RGS17: variants seen among roughly 807,000 people sequenced by gnomAD.
RGS17 encodes the protein regulator of G-protein signaling 17.
In RGS17, 12 loss-of-function variants were observed where a neutral mutation model predicts 25.5. The observed-to-expected ratio is 0.47, with a 90% CI of 0.30 to 0.76. The LOEUF is 0.76. Among genes scored for constraint, RGS17 ranks in the 30% least tolerant of loss-of-function variants. The probability of loss-of-function intolerance (pLI) is 0.07; values close to 1 mark genes in which losing one functional copy is unlikely to be tolerated. For synonymous variants in RGS17, 71 were observed against 76.9 expected (o/e 0.92, Z 0.40); for missense variants, 196 against 242.2 (o/e 0.81, Z 1.27).
At chr6:153,081,100 T>C (rs1285000008) in intron 1 of RGS17, among the ~76,000 whole-genome samples, 1 of 152,170 alleles carries the variant, frequency 6.6e-6, no homozygotes, top group Non-Finnish European at 1.5e-5. Flanking sequence ...CAGTGTTTTA[T>C]AAATTTCAAT....
intron 4 of RGS17, among the ~76,000 whole-genome samples, chr6:153,013,117 G>A (rs141306288): frequency 2.0e-5 from 3 of 152,274 alleles, no homozygotes; most frequent in East Asian, 1.9e-4. Flanking sequence ...GGCTTGTGGC[G>A]ATCCTGTGTC....
rs886195095 is a variant in RGS17 at position 153,007,315 on chromosome 6, T to A, written c.*4259A>T. 5 of 152,134 alleles carry A rather than the reference T, an allele frequency of 3.3e-5. No individual in the cohort carries two copies. The highest frequency in any genetic ancestry group is 7.2e-5 in the African/African-American group (3 of 41,418). The allele number at this position is 152,134 out of a possible 1,614,324, so 9.4% of individuals were successfully genotyped here. A position where few individuals can be genotyped will look rare whatever the true frequency, so the allele number is the denominator to read the frequency against. ...GTTGTAGCAAGTGAAGAATTAAAAA[T>A]TTTTGCAGATTGGATATTGTTTTTG... is the stretch of plus-strand genomic sequence containing the variant. On this transcript the variant is annotated 3_prime_UTR_variant, in exon 5 of 5. Coordinates refer to ENST00000206262, the MANE Select transcript of RGS17 (RefSeq NM_012419.5).
At chr6:153,103,703 G>GTATCT (rs1228532766) in intron 1 of RGS17, among the ~76,000 whole-genome samples, 1 of 152,212 alleles carries the variant, frequency 6.6e-6, no homozygotes, top group Admixed American at 6.5e-5. Flanking sequence ...CTTTAAAAAT[G>GTATCT]TATCTTATCT....
intron 4 of RGS17, among the ~76,000 whole-genome samples, chr6:153,013,006 T>A (rs757762423): frequency 6.6e-6 from 1 of 152,096 alleles, no homozygotes; most frequent in Non-Finnish European, 1.5e-5. Flanking sequence ...CCAGACTACA[T>A]TTCTGTGGCT....
chr6:153,066,182 A>G (rs992035770), intron 1 of RGS17, among the ~76,000 whole-genome samples: 1 of 152,212 alleles, frequency 6.6e-6, no homozygotes, highest in Non-Finnish European at 1.5e-5. Context: ...AATCTAGAAG[A>G]AACGGACAAA....
At chr6:153,031,694 G>T (rs1779365334) in intron 2 of RGS17, among the ~76,000 whole-genome samples, 1 of 152,292 alleles carries the variant, frequency 6.6e-6, no homozygotes, top group East Asian at 1.9e-4. Flanking sequence ...GGTATTGCAA[G>T]TGTTTACACA....
chr6:153,098,725 C>T lies in RGS17; in HGVS notation c.-26+32399G>A, dbSNP rs559015575. ...GCAACTCTGTTTTAAAAGTCAAAGT[C>T]AAGTTAAAGTGTGGGGTTGTCTGCC... On this transcript the variant is annotated intron_variant, in intron 1 of 4. Transcript: ENST00000206262. Among the ~76,000 whole-genome samples, 31 of 152,180 alleles carry T rather than the reference C, an allele frequency of 2.0e-4. No individual in the cohort carries two copies. The South Asian group carries it at 2.3e-3, about 11-fold the overall frequency.
At chr6:153,054,185 A>G (rs1185087519) in intron 1 of RGS17, among the ~76,000 whole-genome samples, 1 of 144,206 alleles carries the variant, frequency 6.9e-6, no homozygotes, top group Non-Finnish European at 1.5e-5. Context: ...ATTTGCAGAA[A>G]GACTCAAAAA....
intron 1 of RGS17, among the ~76,000 whole-genome samples, chr6:153,067,290 T>C (rs180764150): frequency 1.3e-4 from 20 of 152,130 alleles, no homozygotes; most frequent in Non-Finnish European, 2.5e-4. Context: ...TAATTAAACA[T>C]AGTACTGGAA....
chr6:153,101,023 G>A (rs2129123385), intron 1 of RGS17, among the ~76,000 whole-genome samples: 1 of 152,286 alleles, frequency 6.6e-6, no homozygotes, highest in Admixed American at 6.5e-5. Context: ...GAGGCTACCA[G>A]ATTCACAAAT....
chr6:153,113,594 C>T (rs1219651936), intron 1 of RGS17, among the ~76,000 whole-genome samples: 2 of 152,180 alleles, frequency 1.3e-5, no homozygotes, highest in East Asian at 3.8e-4. Context: ...TAGACATCTA[C>T]AGAACTCTCC....
chr6:153,104,525 T>C (rs1247948972), intron 1 of RGS17, among the ~76,000 whole-genome samples: 2 of 152,210 alleles, frequency 1.3e-5, no homozygotes, highest in Non-Finnish European at 2.9e-5. Context: ...CAAAGAGAAA[T>C]GTATCTGTTG....
At chr6:153,083,809 G>A (rs959841634) in intron 1 of RGS17, among the ~76,000 whole-genome samples, 2 of 152,082 alleles carry the variant, frequency 1.3e-5, no homozygotes, top group Non-Finnish European at 2.9e-5. Context: ...TTATATAATG[G>A]TATTCTCATT....
At chr6:153,059,459 G>A (rs1776607064) in intron 1 of RGS17, among the ~76,000 whole-genome samples, 1 of 152,128 alleles carries the variant, frequency 6.6e-6, no homozygotes, top group Admixed American at 6.5e-5. Context: ...ATGCCCTTTA[G>A]GGGGTACTGG....
chr6:153,064,926 A>G (rs1163795114), intron 1 of RGS17, among the ~76,000 whole-genome samples: 1 of 152,182 alleles, frequency 6.6e-6, no homozygotes, highest in Non-Finnish European at 1.5e-5. Context: ...AGAAAACAAC[A>G]AAATGGCAAG....
chr6:153,108,160 C>G (rs1224663080), intron 1 of RGS17, among the ~76,000 whole-genome samples: 1 of 152,152 alleles, frequency 6.6e-6, no homozygotes, highest in African/African-American at 2.4e-5. Flanking sequence ...CATTTCATTC[C>G]CATTCTGGCT....
Position 153,005,326 on chromosome 6 carries a change from C to T in RGS17, c.*6248G>A, listed in dbSNP as rs1779063661. 6.6e-6 allele frequency: 1 copy of T among 152,148 alleles called. No individual in the cohort carries two copies. Among genetic ancestry groups the T allele is most frequent in the Non-Finnish European group, 1.5e-5 (1 of 68,026 alleles). 9.4% of individuals were successfully genotyped at this position (152,148 alleles called of 1,614,324 possible). On this transcript the variant is annotated 3_prime_UTR_variant, in exon 5 of 5. Transcript: ENST00000206262. ...CTAAGACTTCTGGAGTTTTATTTTTCCACTTCACTGTATTTTCTTTATAGC... is the reference window on the plus strand; with the variant it reads ...CTAAGACTTCTGGAGTTTTATTTTTTCACTTCACTGTATTTTCTTTATAGC...
intron 1 of RGS17, among the ~76,000 whole-genome samples, chr6:153,094,310 C>A (rs1317919332): frequency 1.3e-5 from 2 of 152,042 alleles, no homozygotes; most frequent in African/African-American, 4.8e-5. Context: ...AACTCCTGGG[C>A]TCAAGCAATC....
intron 1 of RGS17, among the ~76,000 whole-genome samples, chr6:153,054,335 G>A (rs895858522): frequency 6.6e-6 from 1 of 151,122 alleles, no homozygotes; most frequent in African/African-American, 2.4e-5. Flanking sequence ...CTGTAGAGGG[G>A]TTCAAATATT....
Sources: gnomAD v4.1 joint callset for allele counts (sites outside exome capture counted in the v4.1 genomes callset) on GRCh38, gnomAD v4.1.1 for gene constraint, MANE v1.5 for transcripts, NCBI Gene and HGNC (gene_info 2026-07-23, HGNC 2026-07-21) for gene names.